PTPRD: variants seen among roughly 807,000 people sequenced by gnomAD.
The protein encoded by PTPRD is protein tyrosine phosphatase receptor type D.
PTPRD carries 34 observed loss-of-function variants against 214.5 expected under a neutral mutation model. That is an observed-to-expected ratio of 0.16 (90% CI 0.12 to 0.21). PTPRD has a LOEUF of 0.21. Among genes scored for constraint, PTPRD ranks in the 10% least tolerant of loss-of-function variants. PTPRD has a pLI of 1.00. For missense variants in PTPRD, 2,545 were observed against 2,398.7 expected (o/e 1.06, Z -1.27); for synonymous variants, 1,128 against 845.7 (o/e 1.33, Z -5.79).
intron 39 of PTPRD, among the ~76,000 whole-genome samples, chr9:8,367,700 G>A (rs2080311220): frequency 6.6e-6 from 1 of 152,122 alleles, no homozygotes; most frequent in Non-Finnish European, 1.5e-5. Flanking sequence ...CAATTACGTA[G>A]AACTCAAACT....
intron 12 of PTPRD, among the ~76,000 whole-genome samples, chr9:8,712,447 C>CT (rs111724244): frequency 0.013 from 1,804 of 143,000 alleles, 19 homozygotes; most frequent in African/African-American, 0.027. Flanking sequence ...CACTATGTGC[C>CT]TTTTTTTTTT....
intron 12 of PTPRD, among the ~76,000 whole-genome samples, chr9:8,669,971 G>C (rs2097249916): frequency 6.6e-6 from 1 of 151,582 alleles, no homozygotes; most frequent in Non-Finnish European, 1.5e-5. Context: ...TGCCAAAGAA[G>C]TTCAGATTGC....
chr9:9,058,442 G>GTTTTTTTTTTTT (rs777910266), intron 10 of PTPRD, among the ~76,000 whole-genome samples: 4,582 of 69,812 alleles, frequency 0.066, 1,467 homozygotes, highest in Non-Finnish European at 0.086. Context: ...TATTATGAGG[G>GTTTTTTTTTTTT]TTTTTTTTTT....
intron 9 of PTPRD, among the ~76,000 whole-genome samples, chr9:9,345,512 T>C (rs930924438): frequency 1.3e-5 from 2 of 151,868 alleles, no homozygotes; most frequent in African/African-American, 4.8e-5. Context: ...ATATTTTTTT[T>C]ACTTGAATAT....
intron 11 of PTPRD, among the ~76,000 whole-genome samples, chr9:8,803,888 C>T (rs1391798755): frequency 1.3e-5 from 2 of 152,046 alleles, no homozygotes; most frequent in Non-Finnish European, 2.9e-5. Flanking sequence ...CCAAAACTTA[C>T]ACTAAAAGTG....
In PTPRD at chr9:9,766,836, G is replaced by C. The variant is rs937584306; in HGVS notation, c.-352C>G. 8 of 152,282 alleles carry C rather than the reference G, an allele frequency of 5.3e-5. No homozygotes were observed. Among genetic ancestry groups the C allele is most frequent in the African/African-American group, 1.9e-4 (8 of 41,378 alleles). 9.4% of individuals were successfully genotyped at this position (152,282 alleles called of 1,614,324 possible). ...TTTGTCCAAGGCACATTCTGCTGTGGTCTCAGGACAGAAACCTAATATAAA... is the reference window on the plus strand; with the variant it reads ...TTTGTCCAAGGCACATTCTGCTGTGCTCTCAGGACAGAAACCTAATATAAA... On this transcript the variant is annotated 5_prime_UTR_variant, in exon 6 of 46. Coordinates refer to ENST00000381196, the MANE Select transcript of PTPRD (RefSeq NM_002839.4).
chr9:8,843,872 G>A (rs967456360), intron 11 of PTPRD, among the ~76,000 whole-genome samples: 1 of 152,158 alleles, frequency 6.6e-6, no homozygotes, highest in Non-Finnish European at 1.5e-5. Flanking sequence ...AGGTCAGCTG[G>A]AGTAAGAAAG....
chr9:9,574,462 C>A (rs1418929857), intron 8 of PTPRD, among the ~76,000 whole-genome samples: 1 of 151,912 alleles, frequency 6.6e-6, no homozygotes, highest in Non-Finnish European at 1.5e-5. Context: ...GTTCAAAGAA[C>A]AGTTTTCAGT....
intron 34 of PTPRD, chr9:8,437,080 G>T: frequency 1.4e-6 from 1 of 709,364 alleles, no homozygotes; most frequent in Non-Finnish European, 2.3e-6. Context: ...GAAATTGTGT[G>T]GAATTAAATG....
At chr9:8,997,144 C>A (rs1220351113) in intron 11 of PTPRD, among the ~76,000 whole-genome samples, 1 of 152,016 alleles carries the variant, frequency 6.6e-6, no homozygotes, top group Admixed American at 6.6e-5. Flanking sequence ...CTGTGACTAG[C>A]AAATATTTTT....
intron 10 of PTPRD, among the ~76,000 whole-genome samples, chr9:9,156,536 C>G (rs1377373732): frequency 6.6e-6 from 1 of 151,858 alleles, no homozygotes; most frequent in African/African-American, 2.4e-5. Flanking sequence ...TAACAGCCAA[C>G]ACATAATTGA....
intron 10 of PTPRD, among the ~76,000 whole-genome samples, chr9:9,147,359 T>A (rs1470434): frequency 0.3 from 45,226 of 151,742 alleles, 8,007 homozygotes; most frequent in Non-Finnish European, 0.4. Context: ...ATTCTTTTTT[T>A]AAAATTTTTA....
chr9:9,250,195 C>T (rs868044097), intron 9 of PTPRD, among the ~76,000 whole-genome samples: 5 of 152,042 alleles, frequency 3.3e-5, no homozygotes, highest in Admixed American at 6.6e-5. Context: ...AGCTCCAGAG[C>T]ACTGGCCCTG....
chr9:8,410,569 C>G (rs1015055291), intron 35 of PTPRD, among the ~76,000 whole-genome samples: 1 of 152,150 alleles, frequency 6.6e-6, no homozygotes, highest in African/African-American at 2.4e-5. Flanking sequence ...AAAGATTTTT[C>G]AAGACTCTCA....
At chr9:9,225,476 C>G (rs1182185524) in intron 9 of PTPRD, among the ~76,000 whole-genome samples, 2 of 151,980 alleles carry the variant, frequency 1.3e-5, no homozygotes, top group Admixed American at 6.6e-5. Context: ...AGAAAAACAA[C>G]TCATGCTGGT....
chr9:10,005,004 C>T (rs776376560), intron 4 of PTPRD, among the ~76,000 whole-genome samples: 2 of 152,090 alleles, frequency 1.3e-5, no homozygotes, highest in African/African-American at 2.4e-5. Flanking sequence ...ATGCTTAATA[C>T]TAATGGAAAA....
intron 4 of PTPRD, among the ~76,000 whole-genome samples, chr9:9,995,621 T>C (rs2096092654): frequency 6.6e-6 from 1 of 152,174 alleles, no homozygotes. Context: ...TTCAAGGAGC[T>C]GTTTCCTCCT....
intron 6 of PTPRD, among the ~76,000 whole-genome samples, chr9:9,740,874 T>C (rs891899014): frequency 3.3e-5 from 5 of 152,148 alleles, no homozygotes; most frequent in Admixed American, 1.3e-4. Flanking sequence ...TGAATACATA[T>C]TCTAAACAGA....
chr9:9,442,647 G>A (rs2088566682), intron 8 of PTPRD, among the ~76,000 whole-genome samples: 2 of 152,128 alleles, frequency 1.3e-5, no homozygotes, highest in South Asian at 2.1e-4. Context: ...ATGTGAGTTT[G>A]GGGGATTTAA....
Sources: allele counts gnomAD v4.1 joint callset (sites outside exome capture counted in the v4.1 genomes callset), GRCh38; gene constraint gnomAD v4.1.1; transcripts MANE v1.5; gene names NCBI Gene and HGNC (gene_info 2026-07-23, HGNC 2026-07-21).